The following C12orf54 variants were observed in gnomAD, a reference collection of about 807,000 sequenced individuals.
C12orf54 encodes the protein uncharacterized protein C12orf54.
Under a neutral mutation model 26.4 loss-of-function variants are expected in C12orf54, and 24 were observed. The ratio of observed to expected loss-of-function variants is 0.91; its 90% CI spans 0.66 to 1.28. The LOEUF (loss-of-function observed/expected upper bound fraction) is 1.28. C12orf54 is among the 50% of genes most tolerant of loss of function. C12orf54 has a pLI of 0.00. For missense variants in C12orf54, 154 were observed against 150.9 expected, an observed-to-expected ratio of 1.02 and a Z score of -0.11; for synonymous variants, 54 against 47.0, an observed-to-expected ratio of 1.15 and a Z score of -0.61.
At chr12:48,437,884 T>C in the C12orf54 span, among the ~76,000 whole-genome samples, 6 of 151,980 alleles carry the variant, frequency 3.9e-5, no homozygotes, top group African/African-American at 1.5e-4. Context: ...TTCAACATAG[T>C]GTTGGAAGTT....
intron 5 of C12orf54, 56 bp from the exon 6 acceptor site, chr12:48,490,756 A>T (rs1013931241): frequency 1.3e-6 from 2 of 1,590,250 alleles, no homozygotes; most frequent in Non-Finnish European, 1.7e-6. Flanking sequence ...AATACAGTGC[A>T]GGTCTGCAGG....
At chr12:48,489,708 C>T (rs1464361092) in intron 5 of C12orf54, among the ~76,000 whole-genome samples, 1 of 150,930 alleles carries the variant, frequency 6.6e-6, no homozygotes, top group Non-Finnish European at 1.5e-5. Flanking sequence ...TGAGGCATTG[C>T]GCCCAGCCTA....
chr12:48,490,687 G>C lies in C12orf54; in HGVS notation c.169-125G>C, dbSNP rs1157065348. ...AAGAAAGAAATCTTGGGAGTTCCAT[G>C]TCCAAGAAGCCCATATTTTCCCAAA... On this transcript the variant is annotated intron_variant, in intron 5 of 8. Coordinates refer to ENST00000548364, the MANE Select transcript of C12orf54 (RefSeq NM_152319.4). 1.4e-5 allele frequency: 15 copies of C among 1,065,932 alleles called. No homozygotes were observed. In the East Asian group the frequency reaches 3.6e-4, roughly 26 times the overall value. The allele number at this position is 1,065,932 out of a possible 1,614,324, so 66.0% of individuals were successfully genotyped here. A position where few individuals can be genotyped will look rare whatever the true frequency, so the allele number is the denominator to read the frequency against.
At chr12:48,489,110 G>C (rs1205856831) in intron 5 of C12orf54, 154 bp downstream of exon 5, 1 of 823,542 alleles carries the variant, frequency 1.2e-6, no homozygotes, top group Non-Finnish European at 2.1e-6. Context: ...CCACTGACTT[G>C]TCAGTCCAGG....
the C12orf54 span, among the ~76,000 whole-genome samples, chr12:48,462,060 G>A: frequency 6.6e-6 from 1 of 151,402 alleles, no homozygotes; most frequent in African/African-American, 2.4e-5. Flanking sequence ...TGAGAAAGGT[G>A]ACTTTACTAC....
chr12:48,462,446 C>A, the C12orf54 span, among the ~76,000 whole-genome samples: 8 of 151,348 alleles, frequency 5.3e-5, no homozygotes, highest in South Asian at 4.2e-4. Context: ...TAAGAAAAAA[C>A]CAGAGAGCAA....
intron 1 of C12orf54, among the ~76,000 whole-genome samples, 153 bp downstream of exon 1, chr12:48,482,729 T>C (rs922794224): frequency 6.6e-6 from 1 of 152,046 alleles, no homozygotes; most frequent in Non-Finnish European, 1.5e-5. Context: ...ACAAAGCACT[T>C]TAAGGCTGGA....
the C12orf54 span, among the ~76,000 whole-genome samples, chr12:48,457,084 C>T: frequency 6.6e-6 from 1 of 152,038 alleles, no homozygotes; most frequent in East Asian, 1.9e-4. Flanking sequence ...GTCTGTCTCC[C>T]CTATTAATAT....
chr12:48,481,200 GT>G (rs71439446), upstream of C12orf54, among the ~76,000 whole-genome samples: 359 of 125,902 alleles, frequency 2.9e-3, 1 homozygote, highest in African/African-American at 7.0e-3. Context: ...TAAAAATAGA[GT>G]TTTTTTTTTA....
the C12orf54 span, among the ~76,000 whole-genome samples, chr12:48,424,031 T>G: frequency 3.3e-5 from 5 of 152,274 alleles, no homozygotes; most frequent in East Asian, 9.6e-4. Flanking sequence ...CTTAGTTTGA[T>G]GAGTTCTTTT....
upstream of C12orf54, among the ~76,000 whole-genome samples, chr12:48,480,027 C>T (rs528357872): frequency 6.6e-6 from 1 of 151,998 alleles, no homozygotes; most frequent in African/African-American, 2.4e-5. Flanking sequence ...TAATGTAACA[C>T]TAGGTTTGGA....
the C12orf54 span, among the ~76,000 whole-genome samples, chr12:48,468,364 G>T: frequency 1.6e-3 from 246 of 152,286 alleles, no homozygotes; most frequent in Middle Eastern, 3.4e-3. Flanking sequence ...GGTGGAGTGG[G>T]CAGGAATGAT....
the C12orf54 span, among the ~76,000 whole-genome samples, chr12:48,470,003 G>A: frequency 6.6e-6 from 1 of 152,126 alleles, no homozygotes; most frequent in Admixed American, 6.6e-5. Flanking sequence ...CTCCAACCAC[G>A]TTGCTGCAAA....
At chr12:48,430,275 A>G in the C12orf54 span, among the ~76,000 whole-genome samples, 1 of 152,222 alleles carries the variant, frequency 6.6e-6, no homozygotes. Context: ...ACCCAAAAGC[A>G]AAAGCAATAA....
At chr12:48,442,645 A>G in the C12orf54 span, 1 of 169,808 alleles carries the variant, frequency 5.9e-6, no homozygotes, top group Non-Finnish European at 1.3e-5. Context: ...TGGCAAACAC[A>G]AAGAAGACCT....
the C12orf54 span, among the ~76,000 whole-genome samples, chr12:48,471,682 A>G: frequency 6.6e-6 from 1 of 152,148 alleles, no homozygotes; most frequent in Non-Finnish European, 1.5e-5. Flanking sequence ...AGAAGTTTCT[A>G]TTCTGTTCCA....
At chr12:48,451,490 A>G in the C12orf54 span, among the ~76,000 whole-genome samples, 7 of 152,206 alleles carry the variant, frequency 4.6e-5, no homozygotes, top group African/African-American at 1.4e-4. Context: ...AGTTCTGGCC[A>G]GGGCAATCAG....
At position 48,487,218 on chromosome 12, in the gene C12orf54, C is replaced by G. The variant is rs529878692; in HGVS notation, c.135+492C>G. ...TTTCTAAGAGGTCTTCACATAAATA[C>G]CAGCTACTTCAACATCCCAATCTTA... On this transcript the variant is annotated intron_variant, in intron 4 of 8. Coordinates refer to ENST00000548364, the MANE Select transcript of C12orf54 (RefSeq NM_152319.4). Among the ~76,000 whole-genome samples, 3 of 152,286 alleles carry G rather than the reference C, an allele frequency of 2.0e-5. No homozygotes were observed. In the East Asian group the frequency reaches 5.8e-4, roughly 29 times the overall value.
chr12:48,430,004 A>C, the C12orf54 span, among the ~76,000 whole-genome samples: 5 of 152,196 alleles, frequency 3.3e-5, no homozygotes, highest in Non-Finnish European at 5.9e-5. Context: ...ACCCAGAAAT[A>C]AACCCAAATA....
Sources: allele counts gnomAD v4.1 joint callset (sites outside exome capture counted in the v4.1 genomes callset), GRCh38; gene constraint gnomAD v4.1.1; transcripts MANE v1.5; gene names NCBI Gene and HGNC (gene_info 2026-07-23, HGNC 2026-07-21).